Variants in EXOC6B observed in about 807,000 individuals in gnomAD.
EXOC6B encodes SEC15 homolog B.
In EXOC6B, 54 loss-of-function variants were observed where a neutral mutation model predicts 113.5. The observed-to-expected ratio is 0.48, with a 90% CI of 0.38 to 0.60. The LOEUF (loss-of-function observed/expected upper bound fraction) is 0.60. EXOC6B is among the 20% of genes least tolerant of loss of function. EXOC6B has a pLI of 0.00. For missense variants in EXOC6B, 797 were observed against 977.5 expected (o/e 0.82, Z 2.46); for synonymous variants, 357 against 339.0 (o/e 1.05, Z -0.58).
At chr2:72,397,205 TGG>T (rs1692783534) in intron 18 of EXOC6B, among the ~76,000 whole-genome samples, 1 of 152,162 alleles carries the variant, frequency 6.6e-6, no homozygotes, top group Non-Finnish European at 1.5e-5. Context: ...ATAATTGTGA[TGG>T]TTAGAATTTA....
intron 20 of EXOC6B, among the ~76,000 whole-genome samples, chr2:72,281,159 T>G (rs1403299462): frequency 6.6e-6 from 1 of 152,184 alleles, no homozygotes; most frequent in Non-Finnish European, 1.5e-5. Context: ...TTCGAAAAAC[T>G]ACATTGCTGC....
At position 72,496,023 on chromosome 2, in the gene EXOC6B, T is replaced by C. The variant is rs184566351; in HGVS notation, c.1443+431A>G. ...ATTTTTTTTTTATAATAGAGCTATT[T>C]GGTATCAACATTGTGGTAATGGATA... On this transcript the variant is annotated intron_variant, in intron 14 of 21. Coordinates refer to ENST00000272427, the MANE Select transcript of EXOC6B (RefSeq NM_015189.3). Among the ~76,000 whole-genome samples, 1,214 of 152,298 alleles carry C rather than the reference T, an allele frequency of 8.0e-3. 8 individuals carry two copies. The highest frequency in any genetic ancestry group is 0.037 in the South Asian group (177 of 4,826).
intron 6 of EXOC6B, among the ~76,000 whole-genome samples, chr2:72,695,765 T>TA (rs1392520097): frequency 4.6e-5 from 7 of 151,414 alleles, no homozygotes; most frequent in East Asian, 1.9e-4. Context: ...ATAACAAGAA[T>TA]AAAAAAAAAT....
At chr2:72,467,866 G>A (rs531178852) in intron 17 of EXOC6B, among the ~76,000 whole-genome samples, 1 of 152,142 alleles carries the variant, frequency 6.6e-6, no homozygotes, top group South Asian at 2.1e-4. Context: ...CAGCTCCCAG[G>A]TTCAAGCGAT....
At chr2:72,592,475 T>A (rs936347869) in intron 6 of EXOC6B, among the ~76,000 whole-genome samples, 10 of 152,226 alleles carry the variant, frequency 6.6e-5, no homozygotes, top group Non-Finnish European at 8.8e-5. Context: ...ATACTAAGCA[T>A]GAAACTGGAT....
At chr2:72,246,187 C>A (rs1005808096) in intron 20 of EXOC6B, among the ~76,000 whole-genome samples, 5 of 152,162 alleles carry the variant, frequency 3.3e-5, no homozygotes, top group African/African-American at 7.2e-5. Flanking sequence ...CCATGTCCAG[C>A]CTTGTGTCAC....
At chr2:72,731,297 C>T in intron 3 of EXOC6B, 52 bp from the exon 4 acceptor site, 1 of 1,384,160 alleles carries the variant, frequency 7.2e-7, no homozygotes, top group Non-Finnish European at 1.0e-6. Context: ...AAATAAAAAG[C>T]TTTCAGTCAC....
chr2:72,614,810 A>G (rs1279117432), intron 6 of EXOC6B, among the ~76,000 whole-genome samples: 1 of 152,160 alleles, frequency 6.6e-6, no homozygotes, highest in Non-Finnish European at 1.5e-5. Flanking sequence ...AACACTAAAG[A>G]CAATCCTGAA....
intron 20 of EXOC6B, among the ~76,000 whole-genome samples, chr2:72,276,600 G>C (rs1684820127): frequency 6.6e-6 from 1 of 152,076 alleles, no homozygotes; most frequent in Non-Finnish European, 1.5e-5. Flanking sequence ...TCTCAGGAAT[G>C]CTTTCTGCTT....
At chr2:72,783,318 C>CTTTTTTTTTTTTTTTTTTTT (rs70963146) in intron 1 of EXOC6B, among the ~76,000 whole-genome samples, 2 of 60,412 alleles carry the variant, frequency 3.3e-5, no homozygotes, top group Non-Finnish European at 5.7e-5. Context: ...TTTTTCTTTT[C>CTTTTTTTTTTTTTTTTTTTT]TTTTTTTTTT....
In EXOC6B at chr2:72,208,789, A is replaced by G. The variant is rs1170249199; in HGVS notation, c.2197-24602T>C. ...CTCTTACTAGAAATCTTCCAATGTC[A>G]CTAAGCATTAAGAAACTCCTTTTCT... On this transcript the variant is annotated intron_variant, in intron 20 of 21. Transcript: ENST00000272427. Among the ~76,000 whole-genome samples the G allele has an allele frequency of 2.6e-5, 4 of 152,180 alleles. No homozygotes were observed. In the East Asian group the frequency reaches 5.8e-4, roughly 22 times the overall value.
intron 6 of EXOC6B, among the ~76,000 whole-genome samples, chr2:72,659,149 T>G (rs1429627443): frequency 1.3e-5 from 2 of 152,104 alleles, no homozygotes; most frequent in African/African-American, 2.4e-5. Flanking sequence ...ATCCACAATA[T>G]GAAAACAATA....
chr2:72,418,861 A>G, intron 18 of EXOC6B, among the ~76,000 whole-genome samples: 1 of 152,198 alleles, frequency 6.6e-6, no homozygotes, highest in Non-Finnish European at 1.5e-5. Flanking sequence ...TTACTTCTCC[A>G]GAAGCCTTAC....
intron 20 of EXOC6B, among the ~76,000 whole-genome samples, chr2:72,224,900 A>G (rs1681118066): frequency 6.7e-6 from 1 of 149,750 alleles, no homozygotes; most frequent in African/African-American, 2.5e-5. Flanking sequence ...CTATGTGTGT[A>G]TATATATAGA....
intron 20 of EXOC6B, among the ~76,000 whole-genome samples, chr2:72,272,698 T>C (rs1246105899): frequency 6.6e-6 from 1 of 152,028 alleles, no homozygotes; most frequent in African/African-American, 2.4e-5. Context: ...ATTTTAAGAG[T>C]TGTGCTTCTG....
intron 20 of EXOC6B, among the ~76,000 whole-genome samples, chr2:72,192,563 A>G (rs1559001018): frequency 6.6e-6 from 1 of 152,168 alleles, no homozygotes; most frequent in African/African-American, 2.4e-5. Context: ...AGTAGGCAGC[A>G]TGGGGCCTAC....
chr2:72,549,198 A>C (rs1703074067), intron 8 of EXOC6B, among the ~76,000 whole-genome samples: 1 of 152,158 alleles, frequency 6.6e-6, no homozygotes, highest in Admixed American at 6.5e-5. Flanking sequence ...TTTATATACT[A>C]TATTGTATTC....
rs1677924452 is a variant in EXOC6B at position 72,179,146 on chromosome 2, C to T, written c.*189G>A. 1.6e-6 allele frequency: 1 copy of T among 616,074 alleles called. No individual in the cohort carries two copies. Among genetic ancestry groups the T allele is most frequent in the Non-Finnish European group, 2.7e-6 (1 of 373,146 alleles). 38.2% of individuals were successfully genotyped at this position (616,074 alleles called of 1,614,324 possible). On this transcript the variant is annotated 3_prime_UTR_variant, in exon 22 of 22. Transcript: ENST00000272427. ...CCTGAGTCCCAGCCTAGCAACATCT[C>T]ATGTACTTGCTTATTCTTGTGCCTC... is the stretch of plus-strand genomic sequence containing the variant.
intron 1 of EXOC6B, among the ~76,000 whole-genome samples, chr2:72,765,161 T>A (rs1024870031): frequency 2.0e-5 from 3 of 152,072 alleles, no homozygotes; most frequent in Non-Finnish European, 4.4e-5. Flanking sequence ...CCGGGCATGG[T>A]GGCACATGCC....
Sources: gnomAD v4.1 joint callset for allele counts (sites outside exome capture counted in the v4.1 genomes callset) on GRCh38, gnomAD v4.1.1 for gene constraint, MANE v1.5 for transcripts, NCBI Gene and HGNC (gene_info 2026-07-23, HGNC 2026-07-21) for gene names.